TRPM6: variants seen among roughly 807,000 people sequenced by gnomAD.
The protein encoded by TRPM6 is transient receptor potential cation channel subfamily M member 6.
Under a neutral mutation model 247.6 loss-of-function variants are expected in TRPM6, and 111 were observed. That is an observed-to-expected ratio of 0.45 (90% confidence interval 0.38 to 0.52). The LOEUF (loss-of-function observed/expected upper bound fraction) is 0.52. Among genes scored for constraint, TRPM6 ranks in the 20% least tolerant of loss-of-function variants. The pLI is 0.00. For missense variants in TRPM6, 2,126 were observed against 2,421.5 expected (o/e 0.88, Z 2.56); for synonymous variants, 892 against 853.8 (o/e 1.04, Z -0.78).
chr9:74,763,180 T>C, intron 25 of TRPM6, 46 bp from the exon 26 acceptor site: 4 of 1,582,094 alleles, frequency 2.5e-6, no homozygotes, highest in Non-Finnish European at 3.4e-6. Flanking sequence ...ATTAAGCCAG[T>C]GGGAATTTGC....
Position 74,724,468 on chromosome 9 carries a change from G to T in TRPM6, c.*145C>A. 1 of 1,159,136 alleles carries T rather than the reference G, an allele frequency of 8.6e-7. No individual in the cohort carries two copies. Among genetic ancestry groups the T allele is most frequent in the Admixed American group, 1.9e-5 (1 of 53,470 alleles). 71.8% of individuals were successfully genotyped at this position (1,159,136 alleles called of 1,614,324 possible). A position where few individuals can be genotyped will look rare whatever the true frequency, so the allele number is the denominator to read the frequency against. On this transcript the variant is annotated 3_prime_UTR_variant, in exon 39 of 39. Coordinates refer to ENST00000360774, the MANE Select transcript of TRPM6 (RefSeq NM_017662.5). ...GAACCCATTGATCATATACCAATGA[G>T]GCCTTTGAACAGAAGGAGATGTGAG...
At chr9:74,825,436 A>G (rs1482220275) in intron 7 of TRPM6, among the ~76,000 whole-genome samples, 2 of 150,308 alleles carry the variant, frequency 1.3e-5, no homozygotes, top group Non-Finnish European at 3.0e-5. Context: ...GAGTTTCTTG[A>G]GGGCATGTCT....
chr9:74,827,712 G>A (rs1309095048), intron 7 of TRPM6, 66 bp downstream of exon 7: 2 of 1,521,250 alleles, frequency 1.3e-6, no homozygotes, highest in Admixed American at 3.3e-5. Context: ...GATGGTCAGG[G>A]AAGACCATGA....
chr9:74,789,116 G>A (rs534251878), intron 19 of TRPM6, among the ~76,000 whole-genome samples: 4 of 152,268 alleles, frequency 2.6e-5, no homozygotes, highest in African/African-American at 9.6e-5. Context: ...GAAAGAAAAC[G>A]TGTGAAGCAT....
At chr9:74,876,754 G>A (rs1375434706) in intron 1 of TRPM6, among the ~76,000 whole-genome samples, 1 of 152,140 alleles carries the variant, frequency 6.6e-6, no homozygotes, top group East Asian at 1.9e-4. Context: ...ATAATTATGG[G>A]TGAGACTAAC....
chr9:74,816,695 T>C lies in TRPM6; in HGVS notation c.1282A>G (p.Ile428Val). Residue 428 changes from isoleucine to valine, a missense_variant, in exon 11 of 39, where the codon ATC becomes GTC. Around this residue, in one of 3 missense-constraint regions of TRPM6, gnomAD observed 1,082 missense variants for 1,307.9 expected, o/e 0.83. Transcript: ENST00000360774. ...TTCCAGTGTTGTTCATAAATTAGGA[T>C]ATGTTTCTTGGCAATGTCCACCCTG... ...WDRVDIAKKH[I>V]LIYEQHWKPD... is the part of the protein sequence containing the mutation. 1 of 1,614,108 alleles carries C rather than the reference T, an allele frequency of 6.2e-7. No homozygotes were observed. Among genetic ancestry groups the C allele is most frequent in the Non-Finnish European group, 8.5e-7 (1 of 1,179,976 alleles).
At chr9:74,887,555 C>T in intron 1 of TRPM6, 1 of 1,432,732 alleles carries the variant, frequency 7.0e-7, no homozygotes, top group Non-Finnish European at 9.5e-7. Flanking sequence ...TCCGCTCTGA[C>T]ACCACCTCCG....
At chr9:74,853,030 C>T (rs910242156) in intron 3 of TRPM6, among the ~76,000 whole-genome samples, 3 of 151,474 alleles carry the variant, frequency 2.0e-5, no homozygotes, top group African/African-American at 7.3e-5. Context: ...GGCCCCCCGT[C>T]GTCTGAGATG....
At chr9:74,751,555 G>C (rs1207414809) in intron 29 of TRPM6, among the ~76,000 whole-genome samples, 4 of 152,128 alleles carry the variant, frequency 2.6e-5, no homozygotes, top group African/African-American at 9.7e-5. Flanking sequence ...GTTCAAACAG[G>C]TAATATTCAA....
chr9:74,778,961 C>T (rs1827322700), intron 23 of TRPM6, among the ~76,000 whole-genome samples: 1 of 152,154 alleles, frequency 6.6e-6, no homozygotes, highest in Non-Finnish European at 1.5e-5. Flanking sequence ...ATCACACCAT[C>T]CCATCAACAG....
At chr9:74,866,665 G>C (rs1830854507) in intron 1 of TRPM6, among the ~76,000 whole-genome samples, 1 of 152,064 alleles carries the variant, frequency 6.6e-6, no homozygotes, top group Non-Finnish European at 1.5e-5. Context: ...ATTTTCAGTA[G>C]AGACAGGGTT....
intron 23 of TRPM6, among the ~76,000 whole-genome samples, chr9:74,779,584 G>A (rs1212768983): frequency 6.6e-6 from 1 of 152,148 alleles, no homozygotes; most frequent in Admixed American, 6.5e-5. Context: ...ACCTAGCACA[G>A]TGCCTGACAG....
chr9:74,812,495 T>A (rs1828768225), intron 11 of TRPM6, 62 bp from the exon 12 acceptor site: 1 of 1,507,506 alleles, frequency 6.6e-7, no homozygotes, highest in Non-Finnish European at 9.1e-7. Flanking sequence ...ACTAAAGAAT[T>A]ACATGTTTTT....
chr9:74,727,682 G>T (rs908709887), intron 38 of TRPM6, among the ~76,000 whole-genome samples: 1 of 152,124 alleles, frequency 6.6e-6, no homozygotes, highest in African/African-American at 2.4e-5. Context: ...GCCTCCAGCT[G>T]CTTGCTTTTA....
intron 6 of TRPM6, among the ~76,000 whole-genome samples, chr9:74,831,021 T>C (rs1044988250): frequency 2.0e-5 from 3 of 152,096 alleles, no homozygotes; most frequent in Non-Finnish European, 2.9e-5. Context: ...CAAGCTAGTA[T>C]CAAAGATTTA....
At chr9:74,872,763 C>T (rs1206514410) in intron 1 of TRPM6, among the ~76,000 whole-genome samples, 1 of 152,176 alleles carries the variant, frequency 6.6e-6, no homozygotes, top group Non-Finnish European at 1.5e-5. Flanking sequence ...AGCCACTGCG[C>T]GGAACCTGAT....
At chr9:74,866,543 G>A (rs866520967) in intron 1 of TRPM6, among the ~76,000 whole-genome samples, 36 of 152,208 alleles carry the variant, frequency 2.4e-4, no homozygotes, top group African/African-American at 7.7e-4. Flanking sequence ...GTGCAATGGC[G>A]TGATCTCGGC....
intron 21 of TRPM6, among the ~76,000 whole-genome samples, chr9:74,785,092 G>A (rs1587502242): frequency 6.6e-6 from 1 of 152,124 alleles, no homozygotes; most frequent in East Asian, 1.9e-4. Context: ...AGGTGACAGA[G>A]CAAGACCCTG....
chr9:74,776,887 AGTTT>A (rs1208940273), intron 23 of TRPM6, among the ~76,000 whole-genome samples: 3 of 152,224 alleles, frequency 2.0e-5, no homozygotes, highest in Non-Finnish European at 4.4e-5. Flanking sequence ...TCAAAATTTT[AGTTT>A]ATTTAGAGAA....
Sources: gnomAD v4.1 joint callset for allele counts (sites outside exome capture counted in the v4.1 genomes callset) on GRCh38, gnomAD v4.1.1 for gene constraint, gnomAD v4.1.1 regional missense constraint, MANE v1.5 for transcripts, NCBI Gene and HGNC (gene_info 2026-07-23, HGNC 2026-07-21) for gene names.